Variants in RANBP2 observed in about 807,000 individuals in gnomAD.
RANBP2 encodes E3 SUMO-protein ligase RanBP2.
In RANBP2, 57 loss-of-function variants were observed where a neutral mutation model predicts 303.6. That is an observed-to-expected ratio of 0.19 (90% CI 0.15 to 0.23). The LOEUF (loss-of-function observed/expected upper bound fraction) is 0.23, where lower values mean the gene tolerates loss of function less well. Ranked by LOEUF, RANBP2 falls within the 10% of genes least tolerant of loss-of-function variation. The pLI is 1.00. For missense variants in RANBP2, 3,138 were observed against 3,780.8 expected (o/e 0.83, Z 4.46); for synonymous variants, 1,167 against 1,301.5 (o/e 0.90, Z 2.23).
the RANBP2 span, among the ~76,000 whole-genome samples, chr2:109,527,033 C>A: frequency 2.0e-5 from 3 of 152,294 alleles, no homozygotes; most frequent in Admixed American, 6.5e-5. Flanking sequence ...TGTGCTTGAC[C>A]AATTAAATGT....
chr2:109,230,408 C>T, the RANBP2 span, among the ~76,000 whole-genome samples: 1,517 of 151,640 alleles, frequency 0.01, 11 homozygotes, highest in South Asian at 0.024. Context: ...GAAACCCCAT[C>T]TTTACTAAAA....
At chr2:109,402,122 T>A in the RANBP2 span, among the ~76,000 whole-genome samples, 24 of 152,326 alleles carry the variant, frequency 1.6e-4, no homozygotes, top group African/African-American at 5.8e-4. Context: ...CCCTGCGGGC[T>A]CCAGTGTGCT....
the RANBP2 span, among the ~76,000 whole-genome samples, chr2:109,577,074 A>C: frequency 6.6e-6 from 1 of 152,154 alleles, no homozygotes; most frequent in Non-Finnish European, 1.5e-5. Context: ...AGATCTTAAA[A>C]GCATTAGAGG....
the RANBP2 span, among the ~76,000 whole-genome samples, chr2:109,467,261 GCA>G: frequency 6.6e-6 from 1 of 152,258 alleles, no homozygotes; most frequent in African/African-American, 2.4e-5. Flanking sequence ...ATGAATGCAT[GCA>G]CAGACAGTGG....
rs141771399 is a variant in RANBP2, at chr2:108,753,930, A to G, written c.2161A>G (p.Ile721Val). The G allele has an allele frequency of 2.9e-5, 46 of 1,611,906 alleles. No homozygotes were observed. Among genetic ancestry groups the G allele is most frequent in the Non-Finnish European group, 3.9e-5 (46 of 1,179,862 alleles). Reference sequence around the variant, plus strand: ...AAAGACCAGGGACTACCTAATAAAGATTATAGATGACAGTGATTCAAATCT... The same window carrying G: ...AAAGACCAGGGACTACCTAATAAAGGTTATAGATGACAGTGATTCAAATCT... ...LRKTRDYLIK[I>V]IDDSDSNLSV... The change falls in exon 15 of 29, where the codon ATT becomes GTT. Residue 721 changes from isoleucine to valine, a missense_variant. Physicochemically the swap from Ile to Val is conservative, Grantham distance 29. This residue lies in a region of RANBP2 where 194 missense variants were observed against 197.4 expected (regional missense o/e 0.98). Transcript: ENST00000283195.
chr2:109,318,336 C>A, the RANBP2 span, among the ~76,000 whole-genome samples: 4 of 152,016 alleles, frequency 2.6e-5, no homozygotes, highest in African/African-American at 9.7e-5. Flanking sequence ...GCCCCCAGCC[C>A]GGTCCCCAGT....
At chr2:108,981,343 C>G in the RANBP2 span, among the ~76,000 whole-genome samples, 1 of 152,220 alleles carries the variant, frequency 6.6e-6, no homozygotes, top group African/African-American at 2.4e-5. Context: ...CCACCAGGAC[C>G]AGTCCACCCC....
At chr2:109,144,865 T>C in the RANBP2 span, among the ~76,000 whole-genome samples, 2 of 152,184 alleles carry the variant, frequency 1.3e-5, no homozygotes, top group African/African-American at 4.8e-5. Context: ...ATGGTGGGAA[T>C]AGGCCTCGCT....
chr2:109,646,054 C>T, the RANBP2 span, among the ~76,000 whole-genome samples: 1 of 152,180 alleles, frequency 6.6e-6, no homozygotes, highest in African/African-American at 2.4e-5. Context: ...CGGCTGGGGC[C>T]GGAATGCTGT....
the RANBP2 span, among the ~76,000 whole-genome samples, chr2:109,291,075 A>G: frequency 6.6e-6 from 1 of 152,198 alleles, no homozygotes; most frequent in African/African-American, 2.4e-5. Context: ...ATAATCCCAT[A>G]GCTTCCTTGA....
At chr2:108,969,406 G>A in the RANBP2 span, among the ~76,000 whole-genome samples, 10 of 152,154 alleles carry the variant, frequency 6.6e-5, no homozygotes, top group African/African-American at 1.9e-4. Flanking sequence ...AGAGGAGAAC[G>A]ATTAATGAAC....
the RANBP2 span, among the ~76,000 whole-genome samples, chr2:109,055,027 C>A: frequency 6.6e-6 from 1 of 152,282 alleles, no homozygotes; most frequent in African/African-American, 2.4e-5. Flanking sequence ...TAATTCTGGA[C>A]TCTTTCCAGT....
the RANBP2 span, chr2:108,791,615 A>G: frequency 6.4e-7 from 1 of 1,555,740 alleles, no homozygotes; most frequent in Non-Finnish European, 8.8e-7. Context: ...AAGCAGTTTT[A>G]TCTTTTTAAA....
chr2:109,263,858 G>T, the RANBP2 span, among the ~76,000 whole-genome samples: 1 of 152,170 alleles, frequency 6.6e-6, no homozygotes, highest in African/African-American at 2.4e-5. Flanking sequence ...GTCCCCAGCT[G>T]CTCGGGAGGC....
At chr2:109,720,556 C>G in the RANBP2 span, among the ~76,000 whole-genome samples, 2 of 152,092 alleles carry the variant, frequency 1.3e-5, no homozygotes, top group East Asian at 1.9e-4. Flanking sequence ...ATCACTGTTA[C>G]CAGGCAGGCA....
chr2:109,382,232 G>C, the RANBP2 span, among the ~76,000 whole-genome samples: 1,597 of 152,170 alleles, frequency 0.01, 18 homozygotes, highest in Middle Eastern at 0.037. Flanking sequence ...CAGCACATAG[G>C]TAACTTTGTT....
At chr2:109,055,366 C>CTTTTTTTTTTTTTTTTTTTT in the RANBP2 span, among the ~76,000 whole-genome samples, 4 of 133,460 alleles carry the variant, frequency 3.0e-5, no homozygotes, top group Admixed American at 7.9e-5. Flanking sequence ...TTTTTCTTTT[C>CTTTTTTTTTTTTTTTTTTTT]TTTTTTTTTT....
chr2:109,439,397 G>A, the RANBP2 span, among the ~76,000 whole-genome samples: 28 of 152,190 alleles, frequency 1.8e-4, 1 homozygote, highest in African/African-American at 5.5e-4. Flanking sequence ...GAGTTCCTGC[G>A]GCATTTTCCA....
chr2:109,237,386 G>A, the RANBP2 span, among the ~76,000 whole-genome samples: 3 of 152,136 alleles, frequency 2.0e-5, no homozygotes, highest in Admixed American at 1.3e-4. Context: ...GTAACAAAGA[G>A]TATAAAAAAG....
Sources: gnomAD v4.1 joint callset for allele counts (sites outside exome capture counted in the v4.1 genomes callset) on GRCh38, gnomAD v4.1.1 for gene constraint, gnomAD v4.1.1 regional missense constraint, MANE v1.5 for transcripts, NCBI Gene and HGNC (gene_info 2026-07-23, HGNC 2026-07-21) for gene names.